SCARB1: variants seen among roughly 807,000 people sequenced by gnomAD.
The protein encoded by SCARB1 is CD36 and LIMPII analogous 1.
SCARB1 carries 30 observed loss-of-function variants against 57.2 expected under a neutral mutation model. That is an observed-to-expected ratio of 0.52 (90% CI 0.39 to 0.71). The LOEUF (loss-of-function observed/expected upper bound fraction) is 0.71, where lower values mean the gene tolerates loss of function less well. Ranked by LOEUF, SCARB1 falls within the 30% of genes least tolerant of loss-of-function variation. The pLI, the probability that SCARB1 is intolerant of heterozygous loss-of-function variation, is 0.00. For missense variants in SCARB1, 543 were observed against 671.2 expected (o/e 0.81, Z 2.11); for synonymous variants, 249 against 268.3 (o/e 0.93, Z 0.70).
intron 1 of SCARB1, among the ~76,000 whole-genome samples, chr12:124,861,074 C>T (rs1051699646): frequency 2.6e-5 from 4 of 152,026 alleles, no homozygotes; most frequent in Admixed American, 2.0e-4. Context: ...TCTCTCTTTT[C>T]CTCCATTTGA....
intron 1 of SCARB1, among the ~76,000 whole-genome samples, chr12:124,858,879 A>T (rs927488928): frequency 7.0e-6 from 1 of 143,194 alleles, no homozygotes; most frequent in Non-Finnish European, 1.5e-5. Context: ...ACTCCGTCTC[A>T]AAAAAAAAAA....
At chr12:124,797,100 G>C (rs1372352854) in intron 8 of SCARB1, among the ~76,000 whole-genome samples, 2 of 152,118 alleles carry the variant, frequency 1.3e-5, no homozygotes, top group African/African-American at 4.8e-5. Flanking sequence ...TTTCTAATGA[G>C]CTTCCCTGCT....
intron 1 of SCARB1, among the ~76,000 whole-genome samples, chr12:124,854,356 A>T (rs1173045910): frequency 6.6e-6 from 1 of 152,218 alleles, no homozygotes; most frequent in Admixed American, 6.5e-5. Flanking sequence ...GTCGCCAGAA[A>T]AGTGGCAGGG....
intron 7 of SCARB1, among the ~76,000 whole-genome samples, chr12:124,803,552 A>G (rs1950209441): frequency 6.6e-6 from 1 of 152,102 alleles, no homozygotes; most frequent in Non-Finnish European, 1.5e-5. Context: ...CCTGGGCGAC[A>G]GTGATACCCT....
At chr12:124,856,801 G>C (rs1000532925) in intron 1 of SCARB1, among the ~76,000 whole-genome samples, 5 of 152,224 alleles carry the variant, frequency 3.3e-5, no homozygotes, top group African/African-American at 1.2e-4. Flanking sequence ...TGCAGGATGG[G>C]TGGGAGTCCA....
At chr12:124,835,846 G>A (rs116661366) in intron 1 of SCARB1, among the ~76,000 whole-genome samples, 2,407 of 152,304 alleles carry the variant, frequency 0.016, 70 homozygotes, top group African/African-American at 0.054. Flanking sequence ...GGGCCTGCAT[G>A]CCACGTGGCC....
At chr12:124,813,636 AG>A (rs1442244756) in intron 4 of SCARB1, among the ~76,000 whole-genome samples, 1 of 152,218 alleles carries the variant, frequency 6.6e-6, no homozygotes, top group Non-Finnish European at 1.5e-5. Context: ...CCCACACGAC[AG>A]GAGCCCGTCA....
intron 11 of SCARB1, chr12:124,785,971 A>G: frequency 8.1e-7 from 1 of 1,235,762 alleles, no homozygotes; most frequent in Non-Finnish European, 1.1e-6. Flanking sequence ...AGCCCCCCTC[A>G]ATCCCCCTGA....
At chr12:124,787,776 G>C (rs568717500) in intron 9 of SCARB1, among the ~76,000 whole-genome samples, 6 of 151,892 alleles carry the variant, frequency 4.0e-5, no homozygotes, top group African/African-American at 1.4e-4. Flanking sequence ...ACATCACACA[G>C]CTTTGAACCT....
At position 124,815,056 on chromosome 12, in the gene SCARB1, C is replaced by G. The variant is rs1327841212; in HGVS notation, c.343G>C (p.Glu115Gln). 1 of 1,614,058 alleles carries G rather than the reference C, an allele frequency of 6.2e-7. No homozygotes were observed. The highest frequency in any genetic ancestry group is 8.5e-7 in the Non-Finnish European group (1 of 1,180,044). Residue 115 changes from glutamate (E) to glutamine (Q), a missense_variant, in exon 3 of 13, where the codon GAG (glutamate) becomes CAG (glutamine). Glu to Gln is a conservative substitution (Grantham distance 29). Coordinates refer to ENST00000261693, the MANE Select transcript of SCARB1 (RefSeq NM_005505.5). ...FNNNDTVSFLEYRTFQFQPSK... is the reference protein window; with the variant it reads ...FNNNDTVSFLQYRTFQFQPSK... ...GGCTGGAACTGGAAGGTGCGGTACTCGAGGAAGGACACGGTGTCGTTGTTG... is the reference window on the plus strand; with the variant it reads ...GGCTGGAACTGGAAGGTGCGGTACTGGAGGAAGGACACGGTGTCGTTGTTG...
intron 2 of SCARB1, among the ~76,000 whole-genome samples, chr12:124,815,790 T>TG (rs1357252644): frequency 1.3e-5 from 2 of 151,996 alleles, no homozygotes; most frequent in South Asian, 2.1e-4. Context: ...CGCTTGAACC[T>TG]GGGGGGCGGA....
intron 12 of SCARB1, among the ~76,000 whole-genome samples, chr12:124,782,212 A>G (rs1949343478): frequency 1.3e-5 from 2 of 152,144 alleles, no homozygotes; most frequent in Admixed American, 1.3e-4. Flanking sequence ...CTGGCCAGTC[A>G]TCCCAGATTT....
intron 11 of SCARB1, chr12:124,785,309 G>A (rs1252736822): frequency 6.6e-6 from 1 of 152,652 alleles, no homozygotes; most frequent in African/African-American, 2.4e-5. Flanking sequence ...CGAGGCCCTG[G>A]GTGGCCCGCC....
intron 1 of SCARB1, among the ~76,000 whole-genome samples, chr12:124,861,990 A>G (rs1397280607): frequency 1.3e-5 from 2 of 150,976 alleles, no homozygotes; most frequent in Non-Finnish European, 2.9e-5. Flanking sequence ...TTTACCTGGC[A>G]TAAGTCCCCA....
In SCARB1 at chr12:124,822,330, C is replaced by G. The variant is rs1451535977; in HGVS notation, c.127-4623G>C. Among the ~76,000 whole-genome samples, 2 of 152,178 alleles carry G rather than the reference C, an allele frequency of 1.3e-5. No homozygotes were observed. The highest frequency in any genetic ancestry group is 4.8e-5 in the African/African-American group (2 of 41,436). On this transcript the variant is annotated intron_variant, in intron 1 of 12. Transcript: ENST00000261693. The surrounding 1 kb of genome is among the most constrained non-coding windows in gnomAD (Gnocchi z 5.0). ...ACATATCCACACAATGGAATGCTAC[C>G]TGGCAATCAAAAAGAACCAACCATG...
chr12:124,786,028 C>G, intron 11 of SCARB1: 1 of 1,491,604 alleles, frequency 6.7e-7, no homozygotes, highest in Non-Finnish European at 8.9e-7. Context: ...CCCCTCGCCC[C>G]TAACAGAACC....
At chr12:124,862,148 T>C (rs778609479) in intron 1 of SCARB1, among the ~76,000 whole-genome samples, 6 of 151,984 alleles carry the variant, frequency 3.9e-5, no homozygotes, top group Non-Finnish European at 7.4e-5. Flanking sequence ...GACACACACG[T>C]TTCAGTATGA....
At chr12:124,838,339 C>G (rs1951775285) in intron 1 of SCARB1, among the ~76,000 whole-genome samples, 1 of 152,312 alleles carries the variant, frequency 6.6e-6, no homozygotes, top group East Asian at 1.9e-4. Flanking sequence ...GACGTGACTG[C>G]CTCCCCATCC....
At chr12:124,861,263 T>G (rs1952888768) in intron 1 of SCARB1, among the ~76,000 whole-genome samples, 2 of 152,230 alleles carry the variant, frequency 1.3e-5, no homozygotes, top group South Asian at 4.1e-4. Flanking sequence ...CTTTAAATCA[T>G]CTCTAGGTTA....
Sources: allele counts gnomAD v4.1 joint callset (sites outside exome capture counted in the v4.1 genomes callset), GRCh38; gene constraint gnomAD v4.1.1; non-coding constraint Gnocchi (gnomAD v3.1); transcripts MANE v1.5; gene names NCBI Gene and HGNC (gene_info 2026-07-23, HGNC 2026-07-21).